Variants in NBAS observed in about 807,000 individuals in gnomAD.
NBAS encodes the protein NAG/BC035112 fusion.
In NBAS, 219 loss-of-function variants were observed where a neutral mutation model predicts 302.5. The ratio of observed to expected loss-of-function variants is 0.72; its 90% confidence interval spans 0.65 to 0.81. NBAS has a LOEUF of 0.81. NBAS is among the 30% of genes least tolerant of loss of function. NBAS has a pLI of 0.00. For synonymous variants in NBAS, 1,118 were observed against 1,021.6 expected (o/e 1.09, Z -1.80); for missense variants, 2,932 against 2,841.6 (o/e 1.03, Z -0.72).
At chr2:15,508,729 C>T (rs1057180755) in intron 10 of NBAS, among the ~76,000 whole-genome samples, 2 of 152,060 alleles carry the variant, frequency 1.3e-5, no homozygotes, top group African/African-American at 2.4e-5. Flanking sequence ...CTTGGCCGGG[C>T]ATGGTGGCTC....
At chr2:14,983,190 T>C in the NBAS span, among the ~76,000 whole-genome samples, 1 of 152,262 alleles carries the variant, frequency 6.6e-6, no homozygotes, top group East Asian at 1.9e-4. Flanking sequence ...AGTTCGGATG[T>C]ATAAAACATT....
chr2:15,509,733 T>C (rs186211812), intron 10 of NBAS, among the ~76,000 whole-genome samples: 96 of 152,354 alleles, frequency 6.3e-4, no homozygotes, highest in Non-Finnish European at 1.2e-3. Context: ...AATGAACACA[T>C]ATCATGTTTG....
At chr2:14,838,992 C>T in the NBAS span, among the ~76,000 whole-genome samples, 1 of 151,776 alleles carries the variant, frequency 6.6e-6, no homozygotes, top group Non-Finnish European at 1.5e-5. Context: ...TTTCAAGAAG[C>T]TTGACATTAA....
chr2:15,196,466 C>T (rs1027568903), intron 48 of NBAS, among the ~76,000 whole-genome samples: 1 of 152,092 alleles, frequency 6.6e-6, no homozygotes, highest in African/African-American at 2.4e-5. Context: ...TTATTTCTTA[C>T]AACTGGATAT....
intron 35 of NBAS, among the ~76,000 whole-genome samples, chr2:15,333,829 T>C (rs1208092377): frequency 7.6e-6 from 1 of 131,056 alleles, no homozygotes; most frequent in African/African-American, 2.9e-5. Flanking sequence ...CAAGGTTAGA[T>C]ACAGTGGAGG....
intron 42 of NBAS, among the ~76,000 whole-genome samples, chr2:15,278,982 C>T (rs1241540235): frequency 6.6e-6 from 1 of 152,116 alleles, no homozygotes; most frequent in Non-Finnish European, 1.5e-5. Flanking sequence ...TTGATAATAT[C>T]ACTATTCAAC....
At chr2:15,463,553 CTTCTA>C (rs1357416082) in intron 19 of NBAS, among the ~76,000 whole-genome samples, 2 of 152,090 alleles carry the variant, frequency 1.3e-5, no homozygotes, top group Non-Finnish European at 2.9e-5. Flanking sequence ...TCCCTCATTC[CTTCTA>C]TCAGCTTAAA....
intron 35 of NBAS, among the ~76,000 whole-genome samples, chr2:15,349,835 T>C (rs1014056921): frequency 6.6e-6 from 1 of 152,142 alleles, no homozygotes; most frequent in Admixed American, 6.6e-5. Context: ...ATGTGATCCC[T>C]TAAGTGCACT....
chr2:15,148,192 C>A, the NBAS span, among the ~76,000 whole-genome samples: 19 of 152,184 alleles, frequency 1.2e-4, no homozygotes, highest in African/African-American at 4.3e-4. Context: ...AGGTACAACC[C>A]AAGATGACTT....
chr2:15,403,642 G>T (rs1489210076), intron 25 of NBAS, among the ~76,000 whole-genome samples: 1 of 152,004 alleles, frequency 6.6e-6, no homozygotes, highest in African/African-American at 2.4e-5. Flanking sequence ...CATGGATTTT[G>T]GTAGCCTGGC....
chr2:15,282,866 G>A (rs750505243), intron 42 of NBAS, among the ~76,000 whole-genome samples: 2 of 152,078 alleles, frequency 1.3e-5, no homozygotes, highest in Admixed American at 6.5e-5. Flanking sequence ...AAAACACCAA[G>A]AACTGTCCTG....
intron 48 of NBAS, among the ~76,000 whole-genome samples, chr2:15,192,883 T>C (rs531632641): frequency 6.6e-6 from 1 of 152,198 alleles, no homozygotes; most frequent in East Asian, 1.9e-4. Context: ...ATTTTCTGTA[T>C]GTGATGCACT....
the NBAS span, among the ~76,000 whole-genome samples, chr2:14,846,881 A>G: frequency 4.6e-5 from 7 of 152,184 alleles, no homozygotes; most frequent in Non-Finnish European, 1.0e-4. Flanking sequence ...TTGTCACTAA[A>G]AGGAAGACAA....
At chr2:15,469,155 C>T (rs1679850200) in intron 16 of NBAS, among the ~76,000 whole-genome samples, 1 of 152,148 alleles carries the variant, frequency 6.6e-6, no homozygotes, top group Admixed American at 6.5e-5. Context: ...AAAACCAGCT[C>T]CTGGATTCAT....
the NBAS span, among the ~76,000 whole-genome samples, chr2:15,042,504 A>G: frequency 0.82 from 125,131 of 152,216 alleles, 51,787 homozygotes; most frequent in East Asian, 0.99. Flanking sequence ...AGGAGAGAGA[A>G]GAAAGGGCAC....
At chr2:15,461,385 A>G in intron 20 of NBAS, 48 bp from the exon 21 acceptor site, 7 of 1,586,556 alleles carry the variant, frequency 4.4e-6, no homozygotes, top group Non-Finnish European at 6.1e-6. Flanking sequence ...CTAAGAAATA[A>G]AGGAGTGATT....
At chr2:14,962,063 T>G in the NBAS span, among the ~76,000 whole-genome samples, 1 of 152,214 alleles carries the variant, frequency 6.6e-6, no homozygotes, top group African/African-American at 2.4e-5. Context: ...CGTGAGCCAC[T>G]GAGCCCAGCT....
intron 9 of NBAS, among the ~76,000 whole-genome samples, chr2:15,531,772 T>C (rs991920334): frequency 1.4e-4 from 21 of 152,212 alleles, no homozygotes; most frequent in Admixed American, 1.2e-3. Context: ...AGAATACTCT[T>C]CCCCCAGATA....
chr2:14,801,225 G>GTTTGC, the NBAS span, among the ~76,000 whole-genome samples: 2 of 152,010 alleles, frequency 1.3e-5, no homozygotes, highest in African/African-American at 4.8e-5. Flanking sequence ...GTTTGGTTTG[G>GTTTGC]TTTGCTTTGG....
Sources: gnomAD v4.1 joint callset for allele counts (sites outside exome capture counted in the v4.1 genomes callset) on GRCh38, gnomAD v4.1.1 for gene constraint, MANE v1.5 for transcripts, NCBI Gene and HGNC (gene_info 2026-07-23, HGNC 2026-07-21) for gene names.